ZNF337: variants seen among roughly 807,000 people sequenced by gnomAD.
ZNF337 encodes the protein zinc finger protein 337.
Under a neutral mutation model 12.1 loss-of-function variants are expected in ZNF337, and 8 were observed. That is an observed-to-expected ratio of 0.66 (90% CI 0.39 to 1.19). ZNF337 has a LOEUF of 1.19. Among genes scored for constraint, ZNF337 ranks in the 50% most tolerant of loss-of-function variants. The pLI, the probability that ZNF337 is intolerant of heterozygous loss-of-function variation, is 0.01. For missense variants in ZNF337, 882 were observed against 896.6 expected (o/e 0.98, Z 0.21); for synonymous variants, 336 against 320.0 (o/e 1.05, Z -0.53).
chr20:25,685,120 TAA>T (rs553976436), intron 4 of ZNF337, among the ~76,000 whole-genome samples: 3 of 137,614 alleles, frequency 2.2e-5, no homozygotes, highest in Admixed American at 7.3e-5. Context: ...GAACTTAAAT[TAA>T]AAAAAAAAAA....
intron 1 of ZNF337, among the ~76,000 whole-genome samples, chr20:25,694,954 T>G (rs2065908407): frequency 6.6e-6 from 1 of 152,200 alleles, no homozygotes; most frequent in African/African-American, 2.4e-5. Context: ...CCTCCTTTGT[T>G]CTAAGCCTTT....
At position 25,675,444 on chromosome 20, in the gene ZNF337, A is replaced by T; in HGVS notation, c.1844T>A (p.Leu615His). ...AGAATGTGCAAGCTGGTGTTTCACA[A>T]GATTTGACTTCCAGATAAATCCTTG... ...CGQGFIWKSN[L>H]VKHQLAHSGK... The change falls in exon 5 of 5, where the codon CTT becomes CAT. Residue 615 changes from leucine (L) to histidine (H), a missense_variant. Leu to His is a moderately conservative substitution (Grantham distance 99). Transcript: ENST00000252979. The T allele has an allele frequency of 6.2e-7, 1 of 1,613,924 alleles. No individual in the cohort carries two copies. Among genetic ancestry groups the T allele is most frequent in the Non-Finnish European group, 8.5e-7 (1 of 1,179,998 alleles).
intron 1 of ZNF337, among the ~76,000 whole-genome samples, chr20:25,690,173 C>T (rs900877917): frequency 6.6e-6 from 1 of 152,174 alleles, no homozygotes; most frequent in East Asian, 1.9e-4. Flanking sequence ...GTAGTCCTAG[C>T]TACTCCTGGC....
In ZNF337 at chr20:25,673,937, C is replaced by T. The variant is rs1385141396; in HGVS notation, c.*1095G>A. On this transcript the variant is annotated 3_prime_UTR_variant, in exon 5 of 5. Transcript: ENST00000252979. ...TTGAGGCATTTTCTCAGGAAATCAC[C>T]TGTGAAATATTTTGCAGCTAACCAC... is the stretch of plus-strand genomic sequence containing the variant. 6.6e-6 allele frequency: 1 copy of T among 152,174 alleles called. No individual in the cohort carries two copies. Among genetic ancestry groups the T allele is most frequent in the African/African-American group, 2.4e-5 (1 of 41,420 alleles). 9.4% of individuals were successfully genotyped at this position (152,174 alleles called of 1,614,324 possible).
At chr20:25,694,576 A>G (rs183535849) in intron 1 of ZNF337, among the ~76,000 whole-genome samples, 24 of 152,246 alleles carry the variant, frequency 1.6e-4, no homozygotes, top group Admixed American at 7.2e-4. Context: ...GCTGGGCCCA[A>G]TGGTTGCTGT....
chr20:25,675,890 T>G lies in ZNF337; in HGVS notation c.1398A>C (p.Gly466=). ...EEKPFVCKDC[G]RGFIQKSTFT... is the part of the protein sequence containing the mutation. ...AGGTTGACTTTTGGATAAAGCCTCG[T>G]CCACAGTCCTTGCACACAAAAGGCT... Residue 466 remains glycine, a synonymous_variant, in exon 5 of 5, where the codon GGA becomes GGC. Coordinates refer to ENST00000252979, the MANE Select transcript of ZNF337 (RefSeq NM_015655.4). 1 of 1,612,996 alleles carries G rather than the reference T, an allele frequency of 6.2e-7. No homozygotes were observed. The highest frequency in any genetic ancestry group is 8.5e-7 in the Non-Finnish European group (1 of 1,179,670).
At chr20:25,684,846 A>G (rs1381064799) in intron 4 of ZNF337, among the ~76,000 whole-genome samples, 1 of 152,174 alleles carries the variant, frequency 6.6e-6, no homozygotes, top group Admixed American at 6.5e-5. Flanking sequence ...GAAACTGGAA[A>G]CCATCATTCT....
chr20:25,685,930 C>CT, intron 3 of ZNF337, 66 bp downstream of exon 3: 1 of 1,559,962 alleles, frequency 6.4e-7, no homozygotes, highest in East Asian at 2.2e-5. Flanking sequence ...GTCTCTGAAC[C>CT]TAACCCTATG....
Position 25,686,460 on chromosome 20 carries a change from G to A in ZNF337, c.-43C>T. On this transcript the variant is annotated 5_prime_UTR_variant, in exon 2 of 5. Transcript: ENST00000252979. The stretch of plus-strand genomic sequence containing the variant: ...CCACGGAGAAGGGAAGCTTGCAGAT[G>A]GCCAATCTGTGGGAGGAGAGAAGTC... 1 of 1,612,106 alleles carries A rather than the reference G, an allele frequency of 6.2e-7. No homozygotes were observed. The highest frequency in any genetic ancestry group is 1.3e-5 in the African/African-American group (1 of 74,990).
At chr20:25,689,831 C>T (rs1429202288) in intron 1 of ZNF337, among the ~76,000 whole-genome samples, 1 of 152,180 alleles carries the variant, frequency 6.6e-6, no homozygotes, top group African/African-American at 2.4e-5. Flanking sequence ...TGAGATTTTT[C>T]ATAACACTAG....
Position 25,674,728 on chromosome 20 carries a change from C to A in ZNF337, c.*304G>T. 1 of 377,650 alleles carries A rather than the reference C, an allele frequency of 2.6e-6. No homozygotes were observed. Among genetic ancestry groups the A allele is most frequent in the South Asian group, 3.5e-5 (1 of 28,354 alleles). 23.4% of individuals were successfully genotyped at this position (377,650 alleles called of 1,614,324 possible). A position where few individuals can be genotyped will look rare whatever the true frequency, so the allele number is the denominator to read the frequency against. On this transcript the variant is annotated 3_prime_UTR_variant, in exon 5 of 5. Coordinates refer to ENST00000252979, the MANE Select transcript of ZNF337 (RefSeq NM_015655.4). The stretch of plus-strand genomic sequence containing the variant: ...CTGCAGTCACTGGCTAAGAGCAGTC[C>A]TTAGAAAGCACAGCCTGGCACAAAT...
At chr20:25,686,212 C>G in intron 2 of ZNF337, 90 bp from the exon 3 acceptor site, 1 of 1,586,334 alleles carries the variant, frequency 6.3e-7, no homozygotes, top group Non-Finnish European at 8.6e-7. Context: ...GTACACAGAT[C>G]ACTACTTGAT....
intron 4 of ZNF337, among the ~76,000 whole-genome samples, chr20:25,679,748 T>G (rs2065748943): frequency 6.6e-6 from 1 of 151,714 alleles, no homozygotes; most frequent in African/African-American, 2.4e-5. Flanking sequence ...GGTATGGAGG[T>G]TCCTTAAAAA....
chr20:25,687,929 T>C (rs940985209), intron 1 of ZNF337, among the ~76,000 whole-genome samples: 8 of 152,216 alleles, frequency 5.3e-5, no homozygotes, highest in African/African-American at 1.9e-4. Context: ...CTGGCCTCTT[T>C]CTGTGGCATG....
Position 25,676,129 on chromosome 20 carries a change from C to G in ZNF337, c.1159G>C (p.Val387Leu). ...ACRQCKQSFS[V>L]KGSLLRHQRT... The stretch of plus-strand genomic sequence containing the variant: ...TGGTGTCTGAGGAGACTTCCTTTCA[C>G]GCTAAAACTTTGCTTACACTGCCTG... The change falls in exon 5 of 5, where the codon GTG (valine) becomes CTG (leucine). Residue 387 changes from valine to leucine, a missense_variant. Val to Leu is a conservative substitution (Grantham distance 32). Transcript: ENST00000252979. The G allele has an allele frequency of 6.2e-7, 1 of 1,610,630 alleles. No individual in the cohort carries two copies. The highest frequency in any genetic ancestry group is 8.5e-7 in the Non-Finnish European group (1 of 1,178,830).
Sources: allele counts gnomAD v4.1 joint callset (sites outside exome capture counted in the v4.1 genomes callset), GRCh38; gene constraint gnomAD v4.1.1; transcripts MANE v1.5; gene names NCBI Gene and HGNC (gene_info 2026-07-23, HGNC 2026-07-21).